H4C6: variants seen among roughly 807,000 people sequenced by gnomAD.
H4C6 encodes histone H4.
In H4C6, 8 loss-of-function variants were observed where a neutral mutation model predicts 5.7. The observed-to-expected ratio is 1.41, with a 90% CI of 0.82 to 2.54. H4C6 has a LOEUF of 2.54. Among genes scored for constraint, H4C6 ranks in the 30% most tolerant of loss-of-function variants. The pLI, the probability that H4C6 is intolerant of heterozygous loss-of-function variation, is 0.00. For synonymous variants in H4C6, 124 were observed against 57.0 expected, an observed-to-expected ratio of 2.18 and a Z score of -5.30; for missense variants, 230 against 145.9, an observed-to-expected ratio of 1.58 and a Z score of -2.97.
rs3734534 is a variant in H4C6 at position 26,240,421 on chromosome 6, C to G, written c.-5C>G. On this transcript the variant is annotated 5_prime_UTR_variant, in exon 1 of 1. Coordinates refer to ENST00000244537, the MANE Select transcript of H4C6 (RefSeq NM_003540.4). Reference sequence around the variant, plus strand: ...AAAGTTAAGAGTTGTTGTTTGTCTTCGATCATGTCTGGTAGAGGCAAAGGT... The same window carrying G: ...AAAGTTAAGAGTTGTTGTTTGTCTTGGATCATGTCTGGTAGAGGCAAAGGT... 6.5e-7 allele frequency: 1 copy of G among 1,537,144 alleles called. No individual in the cohort carries two copies. The highest frequency in any genetic ancestry group is 8.8e-7 in the Non-Finnish European group (1 of 1,138,986).
In H4C6 at chr6:26,240,763, A is replaced by G. The variant is rs1479130755; in HGVS notation, c.*26A>G. 3.3e-6 allele frequency: 5 copies of G among 1,534,416 alleles called. No individual in the cohort carries two copies. The highest frequency in any genetic ancestry group is 4.6e-5 in the East Asian group (2 of 43,790). On this transcript the variant is annotated 3_prime_UTR_variant, in exon 1 of 1. Coordinates refer to ENST00000244537, the MANE Select transcript of H4C6 (RefSeq NM_003540.4). ...GCCTCACCCCGGCTTTTTATTTAAC[A>G]GCTCACCCATAAAAGGCCCTTTTCA...
chr6:26,240,465 G>C lies in H4C6; in HGVS notation c.40G>C (p.Gly14Arg). 6.3e-7 allele frequency: 1 copy of C among 1,594,818 alleles called. No homozygotes were observed. The highest frequency in any genetic ancestry group is 1.1e-5 in the South Asian group (1 of 89,132). ...CAAAGGTGGTAAAGGTTTAGGAAAG[G>C]GAGGCGCCAAGCGCCATCGCAAAGT... ...RGKGGKGLGK[G>R]GAKRHRKVLR... The change falls in exon 1 of 1, where the codon GGA (glycine) becomes CGA (arginine). Residue 14 changes from glycine (G) to arginine (R), a missense_variant. By Grantham distance (125) the Gly-to-Arg change is moderately radical (BLOSUM62 -2). Coordinates refer to ENST00000244537, the MANE Select transcript of H4C6 (RefSeq NM_003540.4).
In H4C6 at chr6:26,240,629, G is replaced by A. The variant is rs1011105999; in HGVS notation, c.204G>A (p.Arg68=). ...VLKVFLENVI[R]DAVTYTEHAK... Reference sequence around the variant, plus strand: ...AGGTGTTCCTGGAGAATGTGATACGGGACGCCGTAACCTACACGGAGCACG... The same window carrying A: ...AGGTGTTCCTGGAGAATGTGATACGAGACGCCGTAACCTACACGGAGCACG... The change falls in exon 1 of 1, where the codon CGG becomes CGA. Residue 68 remains arginine, a synonymous_variant. Coordinates refer to ENST00000244537, the MANE Select transcript of H4C6 (RefSeq NM_003540.4). 1.2e-6 allele frequency: 2 copies of A among 1,614,134 alleles called. No homozygotes were observed. Among genetic ancestry groups the A allele is most frequent in the East Asian group, 2.2e-5 (1 of 44,860 alleles).
At position 26,240,401 on chromosome 6, in the gene H4C6, T is replaced by G. The variant is rs1021357990; in HGVS notation, c.-25T>G. On this transcript the variant is annotated 5_prime_UTR_variant, in exon 1 of 1. Transcript: ENST00000244537. Reference sequence around the variant, plus strand: ...CAGTGTGTAGCAAAGTTGCAAAAGTTAAGAGTTGTTGTTTGTCTTCGATCA... The same window carrying G: ...CAGTGTGTAGCAAAGTTGCAAAAGTGAAGAGTTGTTGTTTGTCTTCGATCA... The G allele has an allele frequency of 6.6e-7, 1 of 1,506,432 alleles. No individual in the cohort carries two copies. The highest frequency in any genetic ancestry group is 1.3e-5 in the South Asian group (1 of 77,180). The allele number at this position is 1,506,432 out of a possible 1,614,324, so 93.3% of individuals were successfully genotyped here.
At position 26,240,709 on chromosome 6, in the gene H4C6, G is replaced by A; in HGVS notation, c.284G>A (p.Gly95Glu). ...GTTGTCTACGCGCTCAAGCGCCAGG[G>A]ACGCACTCTGTACGGCTTTGGTGGC... ...MDVVYALKRQ[G>E]RTLYGFGG Residue 95 changes from glycine to glutamate, a missense_variant, in exon 1 of 1, where the codon GGA becomes GAA. Transcript: ENST00000244537. The A allele has an allele frequency of 1.2e-6, 2 of 1,601,428 alleles. No homozygotes were observed. Among genetic ancestry groups the A allele is most frequent in the Non-Finnish European group, 1.7e-6 (2 of 1,172,570 alleles).
rs1403757246 is a variant in H4C6 at position 26,240,477 on chromosome 6, C to T, written c.52C>T (p.Arg18Cys). 1.2e-6 allele frequency: 2 copies of T among 1,600,162 alleles called. No homozygotes were observed. The highest frequency in any genetic ancestry group is 1.1e-5 in the South Asian group (1 of 90,166). ...GKGLGKGGAKRHRKVLRDNIQ... is the reference protein window; with the variant it reads ...GKGLGKGGAKCHRKVLRDNIQ... ...AGGTTTAGGAAAGGGAGGCGCCAAG[C>T]GCCATCGCAAAGTGCTGCGTGACAA... is the stretch of plus-strand genomic sequence containing the variant. The change falls in exon 1 of 1, where the codon CGC becomes TGC. Residue 18 changes from arginine to cysteine, a missense_variant. Physicochemically the swap from Arg to Cys is radical, Grantham distance 180. Transcript: ENST00000244537.
chr6:26,240,423 A>C lies in H4C6; in HGVS notation c.-3A>C, dbSNP rs377422659. 1 of 1,543,350 alleles carries C rather than the reference A, an allele frequency of 6.5e-7. No homozygotes were observed. The highest frequency in any genetic ancestry group is 8.8e-7 in the Non-Finnish European group (1 of 1,141,754). On this transcript the variant is annotated 5_prime_UTR_variant, in exon 1 of 1. Coordinates refer to ENST00000244537, the MANE Select transcript of H4C6 (RefSeq NM_003540.4). ...AGTTAAGAGTTGTTGTTTGTCTTCG[A>C]TCATGTCTGGTAGAGGCAAAGGTGG...
At position 26,240,725 on chromosome 6, in the gene H4C6, C is replaced by T; in HGVS notation, c.300C>T (p.Gly100=). 8 of 1,579,852 alleles carry T rather than the reference C, an allele frequency of 5.1e-6. No individual in the cohort carries two copies. Among genetic ancestry groups the T allele is most frequent in the Non-Finnish European group, 6.0e-6 (7 of 1,161,136 alleles). Residue 100 remains glycine, a synonymous_variant, in exon 1 of 1, where the codon GGC becomes GGT. Coordinates refer to ENST00000244537, the MANE Select transcript of H4C6 (RefSeq NM_003540.4). Reference sequence around the variant, plus strand: ...AGCGCCAGGGACGCACTCTGTACGGCTTTGGTGGCTGAGCCTCACCCCGGC... The same window carrying T: ...AGCGCCAGGGACGCACTCTGTACGGTTTTGGTGGCTGAGCCTCACCCCGGC... ...ALKRQGRTLY[G]FGG
At position 26,240,460 on chromosome 6, in the gene H4C6, G is replaced by A. The variant is rs762177045; in HGVS notation, c.35G>A (p.Gly12Glu). Residue 12 changes from glycine (G) to glutamate (E), a missense_variant, in exon 1 of 1, where the codon GGA (glycine) becomes GAA (glutamate). Gly to Glu is a moderately conservative substitution (Grantham distance 98). Transcript: ENST00000244537. ...AGAGGCAAAGGTGGTAAAGGTTTAG[G>A]AAAGGGAGGCGCCAAGCGCCATCGC... Reference protein sequence around the residue: ...SGRGKGGKGLGKGGAKRHRKV... With the variant: ...SGRGKGGKGLEKGGAKRHRKV... 37 of 1,592,472 alleles carry A rather than the reference G, an allele frequency of 2.3e-5. No individual in the cohort carries two copies. The highest frequency in any genetic ancestry group is 2.7e-5 in the Non-Finnish European group (32 of 1,166,044).
At position 26,240,393 on chromosome 6, in the gene H4C6, GCAAAAGTT is replaced by G; in HGVS notation, c.-32_-25del. On this transcript the variant is annotated 5_prime_UTR_variant, in exon 1 of 1. Transcript: ENST00000244537. The stretch of plus-strand genomic sequence containing the variant: ...AGGGGCTTCAGTGTGTAGCAAAGTT[GCAAAAGTT>G]AAGAGTTGTTGTTTGTCTTCGATCA... 1 of 1,511,916 alleles carries G rather than the reference GCAAAAGTT, an allele frequency of 6.6e-7. No homozygotes were observed. Among genetic ancestry groups the G allele is most frequent in the Non-Finnish European group, 8.9e-7 (1 of 1,125,824 alleles). The allele number at this position is 1,511,916 out of a possible 1,614,324, so 93.7% of individuals were successfully genotyped here. A position where few individuals can be genotyped will look rare whatever the true frequency, so the allele number is the denominator to read the frequency against.
rs965484860 is a variant in H4C6 at position 26,240,669 on chromosome 6, G to A, written c.244G>A (p.Val82Ile). Residue 82 changes from valine (V) to isoleucine (I), a missense_variant, in exon 1 of 1, where the codon GTC becomes ATC. By Grantham distance (29) the Val-to-Ile change is conservative (BLOSUM62 3). Transcript: ENST00000244537. Reference protein sequence around the residue: ...TYTEHAKRKTVTAMDVVYALK... With the variant: ...TYTEHAKRKTITAMDVVYALK... ...CACGGAGCACGCCAAGCGTAAGACA[G>A]TCACTGCAATGGATGTTGTCTACGC... is the stretch of plus-strand genomic sequence containing the variant. 3.1e-6 allele frequency: 5 copies of A among 1,612,458 alleles called. No individual in the cohort carries two copies. The highest frequency in any genetic ancestry group is 4.2e-6 in the Non-Finnish European group (5 of 1,178,964).
In H4C6 at chr6:26,240,789, G is replaced by C; in HGVS notation, c.*52G>C. On this transcript the variant is annotated 3_prime_UTR_variant, in exon 1 of 1. Transcript: ENST00000244537. ...GCTCACCCATAAAAGGCCCTTTTCAGGGCCACCTCCTTCGTCACACGAAGG... is the reference window on the plus strand; with the variant it reads ...GCTCACCCATAAAAGGCCCTTTTCACGGCCACCTCCTTCGTCACACGAAGG... The C allele has an allele frequency of 6.9e-7, 1 of 1,456,890 alleles. No individual in the cohort carries two copies. Among genetic ancestry groups the C allele is most frequent in the Non-Finnish European group, 9.2e-7 (1 of 1,081,394 alleles). 90.2% of individuals were successfully genotyped at this position (1,456,890 alleles called of 1,614,324 possible).
Position 26,240,549 on chromosome 6 carries a change from G to A in H4C6, c.124G>A (p.Gly42Ser), listed in dbSNP as rs1325766746. The change falls in exon 1 of 1, where the codon GGC becomes AGC. Residue 42 changes from glycine (G) to serine (S), a missense_variant. Physicochemically the swap from Gly to Ser is moderately conservative, Grantham distance 56. Coordinates refer to ENST00000244537, the MANE Select transcript of H4C6 (RefSeq NM_003540.4). ...CGCCATCCGTCGCTTGGCCCGACGC[G>A]GCGGCGTGAAACGCATTTCGGGCCT... ...KPAIRRLARR[G>S]GVKRISGLIY... 2.5e-6 allele frequency: 4 copies of A among 1,614,158 alleles called. No individual in the cohort carries two copies. The highest frequency in any genetic ancestry group is 3.4e-6 in the Non-Finnish European group (4 of 1,179,956).
In H4C6 at chr6:26,240,570, G is replaced by A. The variant is rs1160733006; in HGVS notation, c.145G>A (p.Gly49Ser). ...ACGCGGCGGCGTGAAACGCATTTCG[G>A]GCCTCATTTATGAGGAGACCCGCGG... ...ARRGGVKRIS[G>S]LIYEETRGVL... The change falls in exon 1 of 1, where the codon GGC (glycine) becomes AGC (serine). Residue 49 changes from glycine (G) to serine (S), a missense_variant. Coordinates refer to ENST00000244537, the MANE Select transcript of H4C6 (RefSeq NM_003540.4). 2 of 1,614,202 alleles carry A rather than the reference G, an allele frequency of 1.2e-6. No homozygotes were observed. The highest frequency in any genetic ancestry group is 3.3e-5 in the Admixed American group (2 of 60,026).
At position 26,240,508 on chromosome 6, in the gene H4C6, A is replaced by T. The variant is rs773490387; in HGVS notation, c.83A>T (p.Gln28Leu). 6.2e-7 allele frequency: 1 copy of T among 1,613,672 alleles called. No homozygotes were observed. Among genetic ancestry groups the T allele is most frequent in the Non-Finnish European group, 8.5e-7 (1 of 1,179,606 alleles). Reference sequence around the variant, plus strand: ...CGCAAAGTGCTGCGTGACAACATACAGGGCATCACGAAGCCCGCCATCCGT... The same window carrying T: ...CGCAAAGTGCTGCGTGACAACATACTGGGCATCACGAAGCCCGCCATCCGT... ...RHRKVLRDNI[Q>L]GITKPAIRRL... The change falls in exon 1 of 1, where the codon CAG becomes CTG. Residue 28 changes from glutamine (Q) to leucine (L), a missense_variant. By Grantham distance (113) the Gln-to-Leu change is moderately radical. Transcript: ENST00000244537.
Position 26,240,434 on chromosome 6 carries a change from T to G in H4C6, c.9T>G (p.Gly3=). Residue 3 remains glycine (G), a synonymous_variant, in exon 1 of 1, where the codon GGT becomes GGG. Transcript: ENST00000244537. Reference sequence around the variant, plus strand: ...GTTGTTTGTCTTCGATCATGTCTGGTAGAGGCAAAGGTGGTAAAGGTTTAG... The same window carrying G: ...GTTGTTTGTCTTCGATCATGTCTGGGAGAGGCAAAGGTGGTAAAGGTTTAG... MS[G]RGKGGKGLGK... 2 of 1,561,924 alleles carry G rather than the reference T, an allele frequency of 1.3e-6. No homozygotes were observed. Among genetic ancestry groups the G allele is most frequent in the Admixed American group, 1.8e-5 (1 of 54,788 alleles).
chr6:26,240,722 C>CGCCA lies in H4C6; in HGVS notation c.298_299insCCAG (p.Gly100AlafsTer19). The CGCCA allele has an allele frequency of 6.3e-7, 1 of 1,590,442 alleles. No individual in the cohort carries two copies. ...TCAAGCGCCAGGGACGCACTCTGTA[C>CGCCA]GGCTTTGGTGGCTGAGCCTCACCCC... On this transcript the variant is annotated frameshift_variant, in exon 1 of 1. Coordinates refer to ENST00000244537, the MANE Select transcript of H4C6 (RefSeq NM_003540.4). LOFTEE classifies it high-confidence loss of function.
Position 26,240,672 on chromosome 6 carries a change from A to G in H4C6, c.247A>G (p.Thr83Ala), listed in dbSNP as rs1027986118. Residue 83 changes from threonine to alanine, a missense_variant, in exon 1 of 1, where the codon ACT becomes GCT. Physicochemically the swap from Thr to Ala is moderately conservative, Grantham distance 58. Coordinates refer to ENST00000244537, the MANE Select transcript of H4C6 (RefSeq NM_003540.4). ...YTEHAKRKTVTAMDVVYALKR... is the reference protein window; with the variant it reads ...YTEHAKRKTVAAMDVVYALKR... The stretch of plus-strand genomic sequence containing the variant: ...GGAGCACGCCAAGCGTAAGACAGTC[A>G]CTGCAATGGATGTTGTCTACGCGCT... The G allele has an allele frequency of 6.2e-7, 1 of 1,612,080 alleles. No individual in the cohort carries two copies. Among genetic ancestry groups the G allele is most frequent in the South Asian group, 1.1e-5 (1 of 90,820 alleles).
In H4C6 at chr6:26,240,462, A is replaced by G. The variant is rs772257083; in HGVS notation, c.37A>G (p.Lys13Glu). 1 of 1,593,634 alleles carries G rather than the reference A, an allele frequency of 6.3e-7. No homozygotes were observed. Among genetic ancestry groups the G allele is most frequent in the African/African-American group, 1.3e-5 (1 of 74,706 alleles). Residue 13 changes from lysine (K) to glutamate (E), a missense_variant, in exon 1 of 1, where the codon AAG becomes GAG. By Grantham distance (56) the Lys-to-Glu change is moderately conservative. Transcript: ENST00000244537. The stretch of plus-strand genomic sequence containing the variant: ...AGGCAAAGGTGGTAAAGGTTTAGGA[A>G]AGGGAGGCGCCAAGCGCCATCGCAA... ...GRGKGGKGLG[K>E]GGAKRHRKVL...
Sources: gnomAD v4.1 joint callset for allele counts on GRCh38, gnomAD v4.1.1 for gene constraint, MANE v1.5 for transcripts, NCBI Gene and HGNC (gene_info 2026-07-23, HGNC 2026-07-21) for gene names.